MED15: variants seen among roughly 807,000 people sequenced by gnomAD.
MED15 encodes mediator of RNA polymerase II transcription subunit 15.
Under a neutral mutation model 118.7 loss-of-function variants are expected in MED15, and 41 were observed. The ratio of observed to expected loss-of-function variants is 0.35; its 90% CI spans 0.27 to 0.45. The LOEUF is 0.45. Among genes scored for constraint, MED15 ranks in the 20% least tolerant of loss-of-function variants. MED15 has a pLI of 1.00. For missense variants in MED15, 740 were observed against 1,025.5 expected (o/e 0.72, Z 3.80); for synonymous variants, 436 against 413.9 (o/e 1.05, Z -0.65).
chr22:20,551,553 C>A, intron 3 of MED15, 66 bp downstream of exon 3: 1 of 1,480,324 alleles, frequency 6.8e-7, no homozygotes, highest in South Asian at 1.1e-5. Flanking sequence ...GACGCTGCCT[C>A]GGCAGAGCTT....
chr22:20,585,365 C>T, intron 16 of MED15, 98 bp downstream of exon 16: 1 of 1,483,030 alleles, frequency 6.7e-7, no homozygotes, highest in Middle Eastern at 1.8e-4. Flanking sequence ...CGCCCAGAAC[C>T]CACCCTGTGT....
chr22:20,508,375 C>G, intron 1 of MED15: 1 of 1,304,240 alleles, frequency 7.7e-7, no homozygotes, highest in Non-Finnish European at 1.0e-6. Context: ...CCCTCACCAC[C>G]GACTGCTTGT....
At chr22:20,582,230 C>T (rs1334295092) in intron 9 of MED15, 2 of 327,060 alleles carry the variant, frequency 6.1e-6, no homozygotes, top group Non-Finnish European at 1.1e-5. Context: ...TCCTCACCGA[C>T]CCACAGAGGA....
In MED15 at chr22:20,582,966, T is replaced by C; in HGVS notation, c.1536T>C (p.Pro512=). The C allele has an allele frequency of 1.2e-6, 2 of 1,612,880 alleles. No homozygotes were observed. Among genetic ancestry groups the C allele is most frequent in the Non-Finnish European group, 1.7e-6 (2 of 1,179,536 alleles). The change falls in exon 11 of 18, where the codon CCT becomes CCC. Residue 512 remains proline, a splice_region_variant and synonymous_variant. Transcript: ENST00000263205. ...CCTCACCTGGACCTTTAAACACACC[T>C]GGTAAGTTGGGCCTGAGGTGCTAAG... ...SVPSPGPLNT[P]VNPSSVMSPA...
rs754228525 is a variant in MED15, at chr22:20,507,650, A to T, written c.-29A>T. The T allele has an allele frequency of 1.9e-6, 3 of 1,613,678 alleles. No homozygotes were observed. The highest frequency in any genetic ancestry group is 2.2e-5 in the South Asian group (2 of 91,080). On this transcript the variant is annotated 5_prime_UTR_variant, in exon 1 of 18. Coordinates refer to ENST00000263205, the MANE Select transcript of MED15 (RefSeq NM_001003891.3). ...GCGGCGGCGGTGGCGGCCAAGCGGG[A>T]TACGGGCGGCGGGAGCTGGGGAACA...
At chr22:20,516,402 T>C (rs969625903) in intron 1 of MED15, among the ~76,000 whole-genome samples, 4 of 152,050 alleles carry the variant, frequency 2.6e-5, no homozygotes, top group African/African-American at 9.7e-5. Context: ...CAAACCCCTT[T>C]TATTTGTTTT....
chr22:20,566,423 G>A (rs1163857361), intron 6 of MED15, 44 bp from the exon 7 acceptor site: 3 of 1,600,328 alleles, frequency 1.9e-6, no homozygotes, highest in Admixed American at 3.3e-5. Flanking sequence ...TGGTGCCACA[G>A]AGGCAGATGA....
At chr22:20,511,042 T>A (rs190472577) in intron 1 of MED15, among the ~76,000 whole-genome samples, 1 of 152,312 alleles carries the variant, frequency 6.6e-6, no homozygotes, top group Admixed American at 6.5e-5. Flanking sequence ...TTGAAAGTCG[T>A]GATTCTTGGT....
At chr22:20,526,337 T>A (rs1194607051) in intron 1 of MED15, among the ~76,000 whole-genome samples, 1 of 152,244 alleles carries the variant, frequency 6.6e-6, no homozygotes, top group East Asian at 1.9e-4. Flanking sequence ...CATATACCTC[T>A]GATTCTAGGT....
At chr22:20,545,276 T>G (rs2146486719) in intron 2 of MED15, among the ~76,000 whole-genome samples, 1 of 152,094 alleles carries the variant, frequency 6.6e-6, no homozygotes, top group Admixed American at 6.6e-5. Flanking sequence ...GCCAAGAGTT[T>G]GAGACCAGCC....
At chr22:20,530,514 A>G (rs2146412895) in intron 1 of MED15, among the ~76,000 whole-genome samples, 1 of 152,026 alleles carries the variant, frequency 6.6e-6, no homozygotes, top group South Asian at 2.1e-4. Context: ...TGTCCTGGGA[A>G]TTCATGCCCT....
At position 20,586,729 on chromosome 22, in the gene MED15, G is replaced by T; in HGVS notation, c.*25G>T. On this transcript the variant is annotated 3_prime_UTR_variant, in exon 18 of 18. Coordinates refer to ENST00000263205, the MANE Select transcript of MED15 (RefSeq NM_001003891.3). ...GCCAAGACTGCAGGGATGGCCCGCA[G>T]CCTCATCGGGGCCAAGGACACACGC... is the stretch of plus-strand genomic sequence containing the variant. The T allele has an allele frequency of 6.2e-7, 1 of 1,610,490 alleles. No individual in the cohort carries two copies. Among genetic ancestry groups the T allele is most frequent in the Non-Finnish European group, 8.5e-7 (1 of 1,179,588 alleles).
chr22:20,544,898 C>G (rs2055466345), intron 2 of MED15, among the ~76,000 whole-genome samples: 1 of 152,152 alleles, frequency 6.6e-6, no homozygotes, highest in African/African-American at 2.4e-5. Context: ...TCCATCTTCA[C>G]GTCGCCTTCT....
chr22:20,572,966 C>CTT (rs361635), intron 8 of MED15, among the ~76,000 whole-genome samples: 5,096 of 137,050 alleles, frequency 0.037, 136 homozygotes, highest in Non-Finnish European at 0.056. Context: ...ATCTCATTTT[C>CTT]TTTTTTTTTT....
At chr22:20,522,563 C>T (rs1490193072) in intron 1 of MED15, among the ~76,000 whole-genome samples, 1 of 152,090 alleles carries the variant, frequency 6.6e-6, no homozygotes, top group Non-Finnish European at 1.5e-5. Flanking sequence ...CGTGTGCATG[C>T]GTATATGAGC....
chr22:20,550,899 T>C (rs946255875), intron 2 of MED15: 2 of 346,494 alleles, frequency 5.8e-6, no homozygotes, highest in African/African-American at 2.1e-5. Context: ...TGTGCGTAAA[T>C]GGAGATGAAC....
chr22:20,563,058 A>G (rs1417970311), intron 5 of MED15, among the ~76,000 whole-genome samples: 2 of 152,100 alleles, frequency 1.3e-5, no homozygotes, highest in African/African-American at 2.4e-5. Flanking sequence ...TCTTACACCC[A>G]TCAGAATTGC....
intron 1 of MED15, among the ~76,000 whole-genome samples, chr22:20,533,780 G>A (rs1212679735): frequency 1.3e-5 from 2 of 152,212 alleles, no homozygotes; most frequent in East Asian, 3.8e-4. Flanking sequence ...ACATTACCCA[G>A]GACAGGACAG....
chr22:20,586,565 C>T lies in MED15; in HGVS notation c.2231-3C>T. On this transcript the variant is annotated splice_region_variant and splice_polypyrimidine_tract_variant and intron_variant, in intron 17 of 17. Coordinates refer to ENST00000263205, the MANE Select transcript of MED15 (RefSeq NM_001003891.3). ...TAGGTTCACGCCCACTGCTCTGTTGCAGACGCCAACCCCTTCCTCCAGTCG... is the reference window on the plus strand; with the variant it reads ...TAGGTTCACGCCCACTGCTCTGTTGTAGACGCCAACCCCTTCCTCCAGTCG... 6.2e-7 allele frequency: 1 copy of T among 1,612,068 alleles called. No homozygotes were observed. Among genetic ancestry groups the T allele is most frequent in the Non-Finnish European group, 8.5e-7 (1 of 1,179,500 alleles).
Sources: gnomAD v4.1 joint callset for allele counts (sites outside exome capture counted in the v4.1 genomes callset) on GRCh38, gnomAD v4.1.1 for gene constraint, MANE v1.5 for transcripts, NCBI Gene and HGNC (gene_info 2026-07-23, HGNC 2026-07-21) for gene names.